PTPRG: variants seen among roughly 807,000 people sequenced by gnomAD.
PTPRG encodes the protein protein tyrosine phosphatase receptor type G.
A neutral mutation model predicts 165.3 loss-of-function variants in PTPRG; 102 were observed. That is an observed-to-expected ratio of 0.62 (90% CI 0.53 to 0.73). The LOEUF is 0.73. Among genes scored for constraint, PTPRG ranks in the 30% least tolerant of loss-of-function variants. PTPRG has a pLI of 0.00. For missense variants in PTPRG, 1,866 were observed against 1,861.4 expected (o/e 1.00, Z -0.05); for synonymous variants, 675 against 669.5 (o/e 1.01, Z -0.13).
intron 28 of PTPRG, among the ~76,000 whole-genome samples, chr3:62,287,244 C>T (rs1316491371): frequency 6.6e-6 from 1 of 151,984 alleles, no homozygotes; most frequent in African/African-American, 2.4e-5. Flanking sequence ...TAAATTCTTC[C>T]CCTCCTAAAC....
intron 1 of PTPRG, among the ~76,000 whole-genome samples, chr3:61,617,247 C>T (rs1055010622): frequency 1.3e-5 from 2 of 152,134 alleles, no homozygotes; most frequent in African/African-American, 4.8e-5. Context: ...ACCCAGTCTA[C>T]TATAGAGAGG....
intron 3 of PTPRG, among the ~76,000 whole-genome samples, chr3:61,995,157 T>G (rs2040997693): frequency 6.7e-6 from 1 of 148,936 alleles, no homozygotes; most frequent in Non-Finnish European, 1.5e-5. Context: ...GTCACCATCT[T>G]GGTTCACTGC....
chr3:62,192,653 C>T (rs868512108), intron 9 of PTPRG, among the ~76,000 whole-genome samples: 10 of 152,010 alleles, frequency 6.6e-5, no homozygotes, highest in African/African-American at 2.2e-4. Context: ...CCTCATGATC[C>T]GCCCACCTCG....
chr3:61,616,927 G>C (rs913051838), intron 1 of PTPRG, among the ~76,000 whole-genome samples: 4 of 152,156 alleles, frequency 2.6e-5, no homozygotes, highest in African/African-American at 9.7e-5. Context: ...TTCCACCATC[G>C]ATGCCGGAAG....
chr3:62,247,833 T>C lies in PTPRG; in HGVS notation c.2467+3935T>C, dbSNP rs186151421. 1.1e-4 allele frequency among the ~76,000 whole-genome samples: 16 copies of C among 152,286 alleles called. No homozygotes were observed. In the East Asian group the frequency reaches 2.9e-3, roughly 28 times the overall value. ...AGTTATACTGACTTTTGGAAACTATTATAAAATAGGTAAATGATTAAGGAA... is the reference window on the plus strand; with the variant it reads ...AGTTATACTGACTTTTGGAAACTATCATAAAATAGGTAAATGATTAAGGAA... On this transcript the variant is annotated intron_variant, in intron 15 of 29. Coordinates refer to ENST00000474889, the MANE Select transcript of PTPRG (RefSeq NM_002841.4).
At chr3:62,125,276 C>A (rs1703246290) in intron 5 of PTPRG, among the ~76,000 whole-genome samples, 1 of 152,212 alleles carries the variant, frequency 6.6e-6, no homozygotes, top group Non-Finnish European at 1.5e-5. Context: ...AAGGATCAAC[C>A]TGGCAACCTG....
At chr3:62,047,809 TGC>T (rs1700345086) in intron 4 of PTPRG, among the ~76,000 whole-genome samples, 1 of 152,192 alleles carries the variant, frequency 6.6e-6, no homozygotes, top group African/African-American at 2.4e-5. Flanking sequence ...AGTTCATAAA[TGC>T]AATCAGCTTT....
chr3:62,141,737 TAAA>T (rs35175964), intron 6 of PTPRG, among the ~76,000 whole-genome samples: 2 of 140,026 alleles, frequency 1.4e-5, no homozygotes, highest in African/African-American at 2.6e-5. Context: ...CTGTCTCTAC[TAAA>T]AAAAAAAAAA....
intron 2 of PTPRG, among the ~76,000 whole-genome samples, chr3:61,833,754 G>A (rs934862450): frequency 6.6e-6 from 1 of 151,998 alleles, no homozygotes. Context: ...TAGTAGAGAC[G>A]GGGTTTCAGC....
chr3:61,616,762 C>T (rs1024998750), intron 1 of PTPRG, among the ~76,000 whole-genome samples: 2 of 152,156 alleles, frequency 1.3e-5, no homozygotes, highest in African/African-American at 4.8e-5. Context: ...CTCAATTGAC[C>T]GGACACCTTT....
At position 62,219,334 on chromosome 3, in the gene PTPRG, T is replaced by C. The variant is rs1053866863; in HGVS notation, c.2288+351T>C. Among the ~76,000 whole-genome samples, 3 of 152,354 alleles carry C rather than the reference T, an allele frequency of 2.0e-5. No homozygotes were observed. The highest frequency in any genetic ancestry group is 4.4e-5 in the Non-Finnish European group (3 of 68,030). ...ACCAGCAAAATGAGTTAACAAGTCATAGCATTTGCAGTTTTTCTGAGATGA... is the reference window on the plus strand; with the variant it reads ...ACCAGCAAAATGAGTTAACAAGTCACAGCATTTGCAGTTTTTCTGAGATGA... On this transcript the variant is annotated intron_variant, in intron 13 of 29. Coordinates refer to ENST00000474889, the MANE Select transcript of PTPRG (RefSeq NM_002841.4). This position sits in a 1 kb window ranked among gnomAD's most constrained non-coding sequence, Gnocchi z 4.5.
intron 1 of PTPRG, among the ~76,000 whole-genome samples, chr3:61,703,886 T>C (rs140596164): frequency 6.6e-6 from 1 of 152,158 alleles, no homozygotes; most frequent in African/African-American, 2.4e-5. Context: ...TATATAGCAT[T>C]GTAGCTAAAA....
intron 8 of PTPRG, among the ~76,000 whole-genome samples, chr3:62,178,701 C>T (rs1031956232): frequency 1.3e-5 from 2 of 152,154 alleles, no homozygotes; most frequent in Non-Finnish European, 2.9e-5. Flanking sequence ...GTAGCAGACT[C>T]CAGGGGCCAT....
intron 1 of PTPRG, among the ~76,000 whole-genome samples, chr3:61,645,391 A>G (rs762165495): frequency 6.6e-6 from 1 of 152,166 alleles, no homozygotes; most frequent in Non-Finnish European, 1.5e-5. Context: ...GGATCCAGAG[A>G]CTGTCTGAGG....
chr3:62,273,958 T>A lies in PTPRG; in HGVS notation c.3465+114T>A. The A allele has an allele frequency of 3.3e-6, 3 of 920,942 alleles. No individual in the cohort carries two copies. Among genetic ancestry groups the A allele is most frequent in the Non-Finnish European group, 4.9e-6 (3 of 615,726 alleles). 57.0% of individuals were successfully genotyped at this position (920,942 alleles called of 1,614,324 possible). On this transcript the variant is annotated intron_variant, in intron 23 of 29. Coordinates refer to ENST00000474889, the MANE Select transcript of PTPRG (RefSeq NM_002841.4). The surrounding 1 kb of genome is among the most constrained non-coding windows in gnomAD (Gnocchi z 4.1). ...GTATACACCGAAATGGATTACTATT[T>A]GTACTCCTTGTACTCCTTAAATGTG...
chr3:61,627,014 A>G (rs1256803593), intron 1 of PTPRG, among the ~76,000 whole-genome samples: 2 of 152,242 alleles, frequency 1.3e-5, no homozygotes, highest in African/African-American at 4.8e-5. Flanking sequence ...AGGCAGAGAA[A>G]AGCCTTTGGA....
rs374245655 is a variant in PTPRG at position 61,863,413 on chromosome 3, GA to G, written c.190+114439del. On this transcript the variant is annotated intron_variant, in intron 2 of 29. Transcript: ENST00000474889. Reference sequence around the variant, plus strand: ...GAGCATTTTCATAGTATTAGATAGGGAAAAAAAACTAGTGGAAATTGAATTG... The same window carrying G: ...GAGCATTTTCATAGTATTAGATAGGGAAAAAAACTAGTGGAAATTGAATTG... 6.8e-4 allele frequency among the ~76,000 whole-genome samples: 104 copies of G among 151,994 alleles called. No homozygotes were observed. In the Middle Eastern group the frequency reaches 0.037, roughly 55 times the overall value.
At chr3:61,936,274 A>T (rs1396150369) in intron 2 of PTPRG, among the ~76,000 whole-genome samples, 6 of 152,194 alleles carry the variant, frequency 3.9e-5, no homozygotes, top group Admixed American at 6.5e-5. Flanking sequence ...TAAGACAATT[A>T]CCCTGTGGGA....
intron 5 of PTPRG, among the ~76,000 whole-genome samples, chr3:62,081,212 G>C (rs555984265): frequency 6.7e-6 from 1 of 149,502 alleles, no homozygotes; most frequent in African/African-American, 2.5e-5. Context: ...AGCCGAGATC[G>C]CGCCATTGCA....
Sources: gnomAD v4.1 joint callset for allele counts (sites outside exome capture counted in the v4.1 genomes callset) on GRCh38, gnomAD v4.1.1 for gene constraint, Gnocchi (gnomAD v3.1) non-coding constraint, MANE v1.5 for transcripts, NCBI Gene and HGNC (gene_info 2026-07-23, HGNC 2026-07-21) for gene names.